The following COG5 variants were observed in gnomAD, a reference collection of about 807,000 sequenced individuals.
COG5 encodes the protein component of oligomeric golgi complex 5.
In COG5, 86 loss-of-function variants were observed where a neutral mutation model predicts 110.4. The ratio of observed to expected loss-of-function variants is 0.78; its 90% CI spans 0.65 to 0.93. The LOEUF (loss-of-function observed/expected upper bound fraction) is 0.93, where lower values mean the gene tolerates loss of function less well. COG5 is among the 40% of genes least tolerant of loss of function. The pLI, the probability that COG5 is intolerant of heterozygous loss-of-function variation, is 0.00. For missense variants in COG5, 1,077 were observed against 987.0 expected (o/e 1.09, Z -1.22); for synonymous variants, 360 against 334.6 (o/e 1.08, Z -0.83).
At chr7:107,548,468 T>C (rs1802637533) in intron 3 of COG5, 136 bp from the exon 4 acceptor site, 1 of 799,914 alleles carries the variant, frequency 1.3e-6, no homozygotes, top group Non-Finnish European at 2.2e-6. Flanking sequence ...GCAACCAGTA[T>C]CTTTTACCCA....
intron 7 of COG5, among the ~76,000 whole-genome samples, chr7:107,387,021 A>C (rs1790254656): frequency 6.6e-6 from 1 of 152,170 alleles, no homozygotes; most frequent in Admixed American, 6.5e-5. Context: ...AAAAGACAAG[A>C]GATAACGCTG....
chr7:107,369,543 C>T (rs1489397222), intron 8 of COG5, among the ~76,000 whole-genome samples: 1 of 151,942 alleles, frequency 6.6e-6, no homozygotes, highest in Non-Finnish European at 1.5e-5. Flanking sequence ...TGCGCCACCA[C>T]GCCCGGCTAA....
intron 10 of COG5, among the ~76,000 whole-genome samples, chr7:107,327,182 T>G (rs886113848): frequency 1.3e-5 from 2 of 152,090 alleles, no homozygotes; most frequent in Non-Finnish European, 2.9e-5. Flanking sequence ...GTGCCAAGGC[T>G]ACACAATAGG....
chr7:107,504,194 T>C (rs1335843901), intron 6 of COG5, among the ~76,000 whole-genome samples: 1 of 152,138 alleles, frequency 6.6e-6, no homozygotes, highest in Non-Finnish European at 1.5e-5. Flanking sequence ...TTGTTGAGGG[T>C]TTTTTATCAT....
intron 8 of COG5, among the ~76,000 whole-genome samples, chr7:107,365,106 C>T (rs970898396): frequency 3.3e-5 from 5 of 151,920 alleles, no homozygotes; most frequent in Non-Finnish European, 7.4e-5. Flanking sequence ...AACCCTTTAA[C>T]CTATTATTCT....
At chr7:107,299,240 G>T (rs1203538978) in intron 11 of COG5, among the ~76,000 whole-genome samples, 1 of 151,940 alleles carries the variant, frequency 6.6e-6, no homozygotes, top group African/African-American at 2.4e-5. Context: ...ACCAAAAACT[G>T]GTTCTTTGAA....
At chr7:107,469,647 G>C (rs1032489646) in intron 6 of COG5, among the ~76,000 whole-genome samples, 1 of 151,994 alleles carries the variant, frequency 6.6e-6, no homozygotes. Context: ...AAGATGCAGT[G>C]GGTTTCTATT....
chr7:107,463,480 C>T (rs1018482897), intron 6 of COG5, among the ~76,000 whole-genome samples: 13 of 152,124 alleles, frequency 8.5e-5, no homozygotes, highest in African/African-American at 3.1e-4. Context: ...CATGCAGCAG[C>T]CCATGAATAG....
intron 10 of COG5, among the ~76,000 whole-genome samples, chr7:107,330,332 CAT>C (rs1351255907): frequency 6.6e-6 from 1 of 152,140 alleles, no homozygotes. Context: ...CATATTATTA[CAT>C]ATAAATAGAA....
chr7:107,206,202 C>G (rs944402735), intron 21 of COG5, among the ~76,000 whole-genome samples: 1 of 152,078 alleles, frequency 6.6e-6, no homozygotes, highest in African/African-American at 2.4e-5. Context: ...ACCTCGTGAT[C>G]CGCCCACCTG....
At chr7:107,390,002 C>G (rs1790503098) in intron 7 of COG5, among the ~76,000 whole-genome samples, 1 of 152,192 alleles carries the variant, frequency 6.6e-6, no homozygotes, top group African/African-American at 2.4e-5. Context: ...ACGTTTGTGA[C>G]CCGGGTGCAA....
chr7:107,265,913 G>A (rs182307639), intron 14 of COG5, among the ~76,000 whole-genome samples: 1 of 151,970 alleles, frequency 6.6e-6, no homozygotes, highest in Non-Finnish European at 1.5e-5. Flanking sequence ...AAATTAGCTG[G>A]GCATAGTGGT....
intron 6 of COG5, among the ~76,000 whole-genome samples, chr7:107,504,753 T>A (rs149756226): frequency 1.3e-5 from 2 of 152,212 alleles, no homozygotes; most frequent in African/African-American, 2.4e-5. Context: ...CAGGAATTTA[T>A]CCATTTCCTC....
chr7:107,459,981 C>T (rs1795889996), intron 6 of COG5, among the ~76,000 whole-genome samples: 1 of 152,048 alleles, frequency 6.6e-6, no homozygotes, highest in South Asian at 2.1e-4. Context: ...TATACTGAGC[C>T]ATTAAACTAA....
At position 107,387,890 on chromosome 7, in the gene COG5, C is replaced by T. The variant is rs1376101385; in HGVS notation, c.670-15130G>A. On this transcript the variant is annotated intron_variant, in intron 7 of 21. Coordinates refer to ENST00000297135, the MANE Select transcript of COG5 (RefSeq NM_006348.5). Reference sequence around the variant, plus strand: ...GCCTTAATTAGGTACATTCTTGAGCCCACCCTGTGTGCTCTTTTTCTTCGA... The same window carrying T: ...GCCTTAATTAGGTACATTCTTGAGCTCACCCTGTGTGCTCTTTTTCTTCGA... Among the ~76,000 whole-genome samples the T allele has an allele frequency of 4.6e-5, 7 of 152,304 alleles. No homozygotes were observed. In the East Asian group the frequency reaches 1.4e-3, roughly 29 times the overall value.
chr7:107,241,342 T>C (rs1801604115), intron 17 of COG5, among the ~76,000 whole-genome samples: 1 of 151,392 alleles, frequency 6.6e-6, no homozygotes, highest in Non-Finnish European at 1.5e-5. Context: ...TTATATTGAG[T>C]TCCAAATATA....
At chr7:107,216,009 C>T (rs951320302) in intron 19 of COG5, among the ~76,000 whole-genome samples, 3 of 151,738 alleles carry the variant, frequency 2.0e-5, no homozygotes, top group Non-Finnish European at 4.4e-5. Context: ...GCGCCTGGCC[C>T]GAGACTCAAC....
intron 6 of COG5, among the ~76,000 whole-genome samples, chr7:107,501,193 TTGTTTA>T (rs1478059088): frequency 6.6e-6 from 1 of 152,022 alleles, no homozygotes; most frequent in African/African-American, 2.4e-5. Context: ...CTGAGGCACT[TTGTTTA>T]GATTAAGACA....
At chr7:107,394,390 A>C (rs561068219) in intron 7 of COG5, among the ~76,000 whole-genome samples, 1 of 151,934 alleles carries the variant, frequency 6.6e-6, no homozygotes, top group Admixed American at 6.6e-5. Context: ...CCTGCTTTAG[A>C]AATAATTATG....
Sources: allele counts gnomAD v4.1 joint callset (sites outside exome capture counted in the v4.1 genomes callset), GRCh38; gene constraint gnomAD v4.1.1; transcripts MANE v1.5; gene names NCBI Gene and HGNC (gene_info 2026-07-23, HGNC 2026-07-21).